MYT1: variants seen among roughly 807,000 people sequenced by gnomAD.
MYT1 encodes myelin transcription factor I.
A neutral mutation model predicts 123.0 loss-of-function variants in MYT1; 23 were observed. The observed-to-expected ratio is 0.19, with a 90% CI of 0.13 to 0.26. The LOEUF is 0.26. MYT1 is among the 10% of genes least tolerant of loss of function. The probability of loss-of-function intolerance (pLI) is 1.00; values close to 1 mark genes in which losing one functional copy is unlikely to be tolerated. For synonymous variants in MYT1, 518 were observed against 575.3 expected, an observed-to-expected ratio of 0.90 and a Z score of 1.43; for missense variants, 1,125 against 1,472.5, an observed-to-expected ratio of 0.76 and a Z score of 3.86.
chr20:64,232,026 C>T lies in MYT1; in HGVS notation c.2676-138C>T. The stretch of plus-strand genomic sequence containing the variant: ...GTTCTTCCCTGAGGCTCCAGGACCT[C>T]AGCGGCCCTCCCTGCCTCACTCAGA... On this transcript the variant is annotated intron_variant, in intron 18 of 22. Transcript: ENST00000328439. The surrounding 1 kb of genome is among the most constrained non-coding windows in gnomAD (Gnocchi z 6.9). The T allele has an allele frequency of 2.5e-6, 2 of 798,728 alleles. No homozygotes were observed. Among genetic ancestry groups the T allele is most frequent in the Non-Finnish European group, 2.0e-6 (1 of 504,028 alleles). 49.5% of individuals were successfully genotyped at this position (798,728 alleles called of 1,614,324 possible). A position where few individuals can be genotyped will look rare whatever the true frequency, so the allele number is the denominator to read the frequency against.
At position 64,189,518 on chromosome 20, in the gene MYT1, C is replaced by A. The variant is rs112518958; in HGVS notation, c.-98-545C>A. Among the ~76,000 whole-genome samples, 1 of 152,184 alleles carries A rather than the reference C, an allele frequency of 6.6e-6. No individual in the cohort carries two copies. Among genetic ancestry groups the A allele is most frequent in the Non-Finnish European group, 1.5e-5 (1 of 68,024 alleles). ...AACCAGGGCAAAGAGCATGCTGGGG[C>A]CCCCGGGATCCTGCGGGAGGCAAAG... On this transcript the variant is annotated intron_variant, in intron 1 of 22. Coordinates refer to ENST00000328439, the MANE Select transcript of MYT1 (RefSeq NM_004535.3). The surrounding 1 kb of genome is among the most constrained non-coding windows in gnomAD (Gnocchi z 5.5).
Position 64,208,297 on chromosome 20 carries a change from G to A in MYT1, c.1101G>A (p.Ser367=), listed in dbSNP as rs148738850. 1.9e-5 allele frequency: 31 copies of A among 1,614,164 alleles called. No individual in the cohort carries two copies. The African/African-American group carries it at 2.1e-4, about 11-fold the overall frequency. Residue 367 remains serine, a synonymous_variant, in exon 7 of 23, where the codon TCG becomes TCA. Transcript: ENST00000328439. This position sits in a 1 kb window ranked among gnomAD's most constrained non-coding sequence, Gnocchi z 5.4. ...GGAAGTCAACAGTCACTGACGAGTC[G>A]GAGATGCAGGACATGATGACCCGGG... ...HSRKSTVTDE[S]EMQDMMTRGN... is the part of the protein sequence containing the mutation.
At position 64,223,170 on chromosome 20, in the gene MYT1, G is replaced by A. The variant is rs1399765509; in HGVS notation, c.2456G>A (p.Arg819His). The A allele has an allele frequency of 1.2e-6, 2 of 1,614,160 alleles. No homozygotes were observed. Among genetic ancestry groups the A allele is most frequent in the Non-Finnish European group, 1.7e-6 (2 of 1,180,036 alleles). Reference protein sequence around the residue: ...GHITGNYASHRSLSGCPLADK... With the variant: ...GHITGNYASHHSLSGCPLADK... ...ATCACCGGGAACTACGCCTCCCACC[G>A]CAGGTTTGTCTCCTGCTCGGGTCCG... The change falls in exon 15 of 23, where the codon CGC becomes CAC. Residue 819 changes from arginine (R) to histidine (H), a missense_variant. Arg to His is a conservative substitution (Grantham distance 29). Coordinates refer to ENST00000328439, the MANE Select transcript of MYT1 (RefSeq NM_004535.3).
In MYT1 at chr20:64,217,178, C is replaced by A. The variant is rs749343664; in HGVS notation, c.1743C>A (p.Ser581=). Residue 581 remains serine (S), a synonymous_variant, in exon 11 of 23, where the codon TCC becomes TCA. Transcript: ENST00000328439. ...TGGCCAAGGAGCTGGAGAAGTTCTC[C>A]AAGGTCACCTTTGACTACGCAAGTT... ...ANLAKELEKF[S]KVTFDYASFD... is the part of the protein sequence containing the mutation. The A allele has an allele frequency of 1.2e-6, 2 of 1,614,154 alleles. No homozygotes were observed. The highest frequency in any genetic ancestry group is 2.7e-5 in the African/African-American group (2 of 74,956).
chr20:64,234,298 T>G (rs1984429636), intron 19 of MYT1, among the ~76,000 whole-genome samples: 2 of 148,346 alleles, frequency 1.3e-5, no homozygotes, highest in African/African-American at 2.6e-5. Flanking sequence ...GCAGCTAGGA[T>G]GGGCTCCTCT....
In MYT1 at chr20:64,199,893, A is replaced by C. The variant is rs753917257; in HGVS notation, c.57A>C (p.Gly19=). The stretch of plus-strand genomic sequence containing the variant: ...TCCCTGTTTCTGTCTTTTTCCCAGG[A>C]CCCCCAGAGACCACAGCTGCAGACC... The part of the protein sequence containing the change: ...RARTRSKALR[G]PPETTAADLS... Residue 19 remains glycine, a splice_region_variant and synonymous_variant, in exon 4 of 23, where the codon GGA becomes GGC. Coordinates refer to ENST00000328439, the MANE Select transcript of MYT1 (RefSeq NM_004535.3). 6.2e-7 allele frequency: 1 copy of C among 1,613,836 alleles called. No individual in the cohort carries two copies. Among genetic ancestry groups the C allele is most frequent in the Non-Finnish European group, 8.5e-7 (1 of 1,179,966 alleles).
At chr20:64,207,568 C>T (rs753631019) in intron 6 of MYT1, 26 bp from the exon 7 acceptor site, 2 of 1,600,380 alleles carry the variant, frequency 1.2e-6, no homozygotes, top group South Asian at 1.1e-5. Context: ...CTCTCTGGCC[C>T]CCACGTTGAT....
At chr20:64,223,421 A>C in intron 16 of MYT1, 62 bp downstream of exon 16, 1 of 1,572,614 alleles carries the variant, frequency 6.4e-7, no homozygotes, top group African/African-American at 1.3e-5. Context: ...CTCTCCTTCC[A>C]TGAGGCTCCT....
intron 2 of MYT1, among the ~76,000 whole-genome samples, chr20:64,194,959 G>A (rs1983065680): frequency 6.6e-6 from 1 of 151,858 alleles, no homozygotes; most frequent in Admixed American, 6.6e-5. Context: ...GCAGTGGCGT[G>A]TTCTCAGCTC....
In MYT1 at chr20:64,224,248, C is replaced by T. The variant is rs886152849; in HGVS notation, c.2528+889C>T. ...CAGGGGTGTCCCTCCCTCCCATAGGCCTCTGTGTTGGGGGCCCTGAATCCA... is the reference window on the plus strand; with the variant it reads ...CAGGGGTGTCCCTCCCTCCCATAGGTCTCTGTGTTGGGGGCCCTGAATCCA... On this transcript the variant is annotated intron_variant, in intron 16 of 22. Transcript: ENST00000328439. Among the ~76,000 whole-genome samples, 26 of 152,204 alleles carry T rather than the reference C, an allele frequency of 1.7e-4. 1 individual carries two copies. Among genetic ancestry groups the T allele is most frequent in the African/African-American group, 5.8e-4 (24 of 41,438 alleles).
chr20:64,239,650 A>G, intron 21 of MYT1, 110 bp from the exon 22 acceptor site: 1 of 1,483,836 alleles, frequency 6.7e-7, no homozygotes, highest in Non-Finnish European at 9.1e-7. Flanking sequence ...CTCTTCCCCC[A>G]CCCCAGGGTT....
intron 7 of MYT1, among the ~76,000 whole-genome samples, chr20:64,210,941 G>A (rs1276565410): frequency 6.6e-6 from 1 of 152,228 alleles, no homozygotes. Context: ...TCCAGCGGCC[G>A]TCTGGGTTGT....
chr20:64,221,411 C>T (rs888266054), intron 13 of MYT1, among the ~76,000 whole-genome samples: 5 of 152,236 alleles, frequency 3.3e-5, no homozygotes, highest in African/African-American at 1.2e-4. Context: ...CACTGGTGGG[C>T]GTGTCGGGCC....
chr20:64,194,562 A>C (rs1296787149), intron 2 of MYT1, among the ~76,000 whole-genome samples: 2 of 152,210 alleles, frequency 1.3e-5, no homozygotes, highest in African/African-American at 4.8e-5. Flanking sequence ...GCCCTGGGCC[A>C]TTGGTGCAGA....
In MYT1 at chr20:64,203,331, A is replaced by G. The variant is rs1171339861; in HGVS notation, c.87-1704A>G. ...CCTTAGCTTCAAATCCCCATTAACA[A>G]GGAGCTTTTTTGTGAAAAGTCCCAA... On this transcript the variant is annotated intron_variant, in intron 4 of 22. Coordinates refer to ENST00000328439, the MANE Select transcript of MYT1 (RefSeq NM_004535.3). The surrounding 1 kb of genome is among the most constrained non-coding windows in gnomAD (Gnocchi z 5.1). Among the ~76,000 whole-genome samples, 2 of 152,218 alleles carry G rather than the reference A, an allele frequency of 1.3e-5. No individual in the cohort carries two copies. Among genetic ancestry groups the G allele is most frequent in the Admixed American group, 1.3e-4 (2 of 15,286 alleles).
At chr20:64,182,357 G>A (rs949896479) in intron 1 of MYT1, among the ~76,000 whole-genome samples, 1 of 152,236 alleles carries the variant, frequency 6.6e-6, no homozygotes, top group Non-Finnish European at 1.5e-5. Flanking sequence ...CAGGCAGAAT[G>A]GGGGGCTGTT....
At position 64,237,300 on chromosome 20, in the gene MYT1, TGAG is replaced by T. The variant is rs757160644; in HGVS notation, c.3007_3009del (p.Glu1003del). ...TCTCTGGGTCAGTGTTGGAGAATGA[TGAG>T]GAGATCAAGCAGCTGAACCAGGAGA... On this transcript the variant is annotated inframe_deletion, in exon 21 of 23. Transcript: ENST00000328439. 6.2e-7 allele frequency: 1 copy of T among 1,611,048 alleles called. No individual in the cohort carries two copies. Among genetic ancestry groups the T allele is most frequent in the South Asian group, 1.1e-5 (1 of 90,124 alleles).
Position 64,193,834 on chromosome 20 carries a change from A to G in MYT1, c.-1+3674A>G, listed in dbSNP as rs547885093. Among the ~76,000 whole-genome samples the G allele has an allele frequency of 6.6e-6, 1 of 152,262 alleles. No homozygotes were observed. The highest frequency in any genetic ancestry group is 2.1e-4 in the South Asian group (1 of 4,816). ...AACCTATGTAATTTTATGGATTTTT[A>G]AAGAATAGTTGTAAGTCCATTCTAA... On this transcript the variant is annotated intron_variant, in intron 2 of 22. Coordinates refer to ENST00000328439, the MANE Select transcript of MYT1 (RefSeq NM_004535.3). This position sits in a 1 kb window ranked among gnomAD's most constrained non-coding sequence, Gnocchi z 4.0.
intron 8 of MYT1, 82 bp downstream of exon 8, chr20:64,211,422 C>A: frequency 4.2e-6 from 6 of 1,440,622 alleles, no homozygotes; most frequent in Non-Finnish European, 5.7e-6. Flanking sequence ...TATGGGGAGG[C>A]GTGGCCTGCC....
Sources: allele counts gnomAD v4.1 joint callset (sites outside exome capture counted in the v4.1 genomes callset), GRCh38; gene constraint gnomAD v4.1.1; non-coding constraint Gnocchi (gnomAD v3.1); transcripts MANE v1.5; gene names NCBI Gene and HGNC (gene_info 2026-07-23, HGNC 2026-07-21).